Variants in ANO4 observed in about 807,000 individuals in gnomAD.
ANO4 encodes anoctamin 4.
ANO4 carries 69 observed loss-of-function variants against 141.9 expected under a neutral mutation model. The observed-to-expected ratio is 0.49, with a 90% CI of 0.40 to 0.59. ANO4 has a LOEUF of 0.59. Among genes scored for constraint, ANO4 ranks in the 20% least tolerant of loss-of-function variants. The pLI is 0.00. For missense variants in ANO4, 894 were observed against 1,162.2 expected, an observed-to-expected ratio of 0.77 and a Z score of 3.36; for synonymous variants, 350 against 394.3, an observed-to-expected ratio of 0.89 and a Z score of 1.33.
intron 1 of ANO4, among the ~76,000 whole-genome samples, chr12:100,892,219 C>T (rs1275735368): frequency 3.3e-5 from 5 of 152,042 alleles, no homozygotes; most frequent in African/African-American, 1.2e-4. Context: ...TTGCAGTGAC[C>T]ACAGGAGTAC....
chr12:100,786,361 A>G (rs2033873665), intron 3 of ANO4, among the ~76,000 whole-genome samples: 2 of 151,516 alleles, frequency 1.3e-5, no homozygotes, highest in South Asian at 2.1e-4. Context: ...GGTGGGGGGG[A>G]ATTAAATAAT....
chr12:101,033,278 G>A (rs1283808514), intron 9 of ANO4, among the ~76,000 whole-genome samples: 1 of 151,658 alleles, frequency 6.6e-6, no homozygotes, highest in African/African-American at 2.4e-5. Context: ...GAGAACACAT[G>A]GACTCAGGAA....
intron 1 of ANO4, among the ~76,000 whole-genome samples, chr12:100,837,734 A>AAT (rs1320649140): frequency 1.7e-4 from 26 of 151,572 alleles, no homozygotes; most frequent in Non-Finnish European, 3.8e-4. Context: ...AAAAAAAAAA[A>AAT]AAAAAGCTCG....
chr12:101,035,846 T>C (rs2047170995), intron 9 of ANO4, among the ~76,000 whole-genome samples: 1 of 152,252 alleles, frequency 6.6e-6, no homozygotes, highest in Admixed American at 6.5e-5. Flanking sequence ...CACTGGGGCC[T>C]ACTTGAGGGT....
intron 3 of ANO4, among the ~76,000 whole-genome samples, chr12:100,928,106 A>C (rs1036294478): frequency 3.1e-5 from 4 of 127,756 alleles, no homozygotes; most frequent in African/African-American, 5.8e-5. Flanking sequence ...CTGATTTCCA[A>C]TTTTATTTTT....
At chr12:100,997,296 T>A (rs1351070449) in intron 8 of ANO4, among the ~76,000 whole-genome samples, 1 of 135,206 alleles carries the variant, frequency 7.4e-6, no homozygotes, top group Admixed American at 8.6e-5. Flanking sequence ...ATCCCACCAC[T>A]GCACCCCAGC....
At chr12:101,089,405 C>T (rs1053864280) in intron 17 of ANO4, among the ~76,000 whole-genome samples, 2 of 151,982 alleles carry the variant, frequency 1.3e-5, no homozygotes, top group Non-Finnish European at 1.5e-5. Flanking sequence ...GATGTTTGTG[C>T]GACAGCTTAG....
chr12:101,072,008 A>G (rs529832933), intron 14 of ANO4, among the ~76,000 whole-genome samples: 2 of 152,294 alleles, frequency 1.3e-5, no homozygotes, highest in African/African-American at 4.8e-5. Flanking sequence ...TATTTGCAGA[A>G]TGTTAACCAT....
At chr12:101,093,414 C>T (rs1270170984) in intron 17 of ANO4, among the ~76,000 whole-genome samples, 1 of 152,182 alleles carries the variant, frequency 6.6e-6, no homozygotes, top group Admixed American at 6.6e-5. Context: ...TAATTCCAGC[C>T]TGGGCAATTT....
intron 1 of ANO4, among the ~76,000 whole-genome samples, chr12:100,807,480 A>G (rs2035131590): frequency 6.6e-6 from 1 of 152,078 alleles, no homozygotes; most frequent in Non-Finnish European, 1.5e-5. Flanking sequence ...ATTTTTCTGA[A>G]TAAACTTTAG....
At chr12:101,005,830 C>T (rs983540459) in intron 8 of ANO4, among the ~76,000 whole-genome samples, 4 of 152,048 alleles carry the variant, frequency 2.6e-5, no homozygotes, top group Non-Finnish European at 4.4e-5. Context: ...GAAGTTTTCC[C>T]AATTCTAGGA....
chr12:100,786,482 C>G (rs1228116751), intron 3 of ANO4, among the ~76,000 whole-genome samples: 1 of 152,108 alleles, frequency 6.6e-6, no homozygotes, highest in Non-Finnish European at 1.5e-5. Context: ...ACTGGGCCAC[C>G]AAGGAACATC....
chr12:100,799,812 A>G (rs2034572232), intron 1 of ANO4, among the ~76,000 whole-genome samples: 1 of 152,160 alleles, frequency 6.6e-6, no homozygotes, highest in East Asian at 1.9e-4. Context: ...AGGAAGTGAT[A>G]TGACTTCCCC....
At chr12:100,951,428 C>A (rs927212042) in intron 5 of ANO4, among the ~76,000 whole-genome samples, 2 of 152,170 alleles carry the variant, frequency 1.3e-5, no homozygotes, top group African/African-American at 4.8e-5. Flanking sequence ...GACATGTAAT[C>A]CACCTAAATG....
At chr12:100,736,081 G>A (rs1029220516) in intron 2 of ANO4, among the ~76,000 whole-genome samples, 4 of 152,196 alleles carry the variant, frequency 2.6e-5, no homozygotes, top group Admixed American at 2.0e-4. Flanking sequence ...TTCTAGGACA[G>A]ACTGAGGAGG....
intron 3 of ANO4, among the ~76,000 whole-genome samples, chr12:100,928,179 G>A (rs1379032005): frequency 1.3e-5 from 2 of 151,926 alleles, no homozygotes; most frequent in East Asian, 1.9e-4. Context: ...GGGGGTGAGC[G>A]GGGCCGGGGG....
In ANO4 at chr12:100,806,854, A is replaced by G. The variant is rs573242857; in HGVS notation, c.-141+11827A>G. On this transcript the variant is annotated intron_variant, in intron 1 of 27. Transcript: ENST00000392977. ...ACTGCGCTGTCCAGGAGCTCTTTAT[A>G]TACTAGAAAAATTCACATTTCCTTA... is the stretch of plus-strand genomic sequence containing the variant. Among the ~76,000 whole-genome samples the G allele has an allele frequency of 3.2e-4, 48 of 151,866 alleles. 2 individuals are homozygous for G. In the South Asian group the frequency reaches 9.4e-3, roughly 30 times the overall value.
At chr12:100,856,828 T>C (rs542233618) in intron 1 of ANO4, among the ~76,000 whole-genome samples, 1 of 152,080 alleles carries the variant, frequency 6.6e-6, no homozygotes, top group Non-Finnish European at 1.5e-5. Flanking sequence ...CAGGGCTAGA[T>C]GGTGTTTGCT....
At chr12:100,906,838 C>T (rs2040865056) in intron 2 of ANO4, among the ~76,000 whole-genome samples, 1 of 152,120 alleles carries the variant, frequency 6.6e-6, no homozygotes, top group South Asian at 2.1e-4. Context: ...GGTATCTACT[C>T]CTCTTTCAGA....
Sources: gnomAD v4.1 joint callset for allele counts (sites outside exome capture counted in the v4.1 genomes callset) on GRCh38, gnomAD v4.1.1 for gene constraint, MANE v1.5 for transcripts, NCBI Gene and HGNC (gene_info 2026-07-23, HGNC 2026-07-21) for gene names.